The following SHISA6 variants were observed in gnomAD, a reference collection of about 807,000 sequenced individuals.
SHISA6 encodes the protein protein shisa-6.
In SHISA6, 22 loss-of-function variants were observed where a neutral mutation model predicts 47.9. That is an observed-to-expected ratio of 0.46 (90% CI 0.33 to 0.66). The LOEUF (loss-of-function observed/expected upper bound fraction) is 0.66, where lower values mean the gene tolerates loss of function less well. Ranked by LOEUF, SHISA6 falls within the 30% of genes least tolerant of loss-of-function variation. The pLI, the probability that SHISA6 is intolerant of heterozygous loss-of-function variation, is 0.02. For missense variants in SHISA6, 680 were observed against 764.6 expected (o/e 0.89, Z 1.30); for synonymous variants, 388 against 337.8 (o/e 1.15, Z -1.63).
chr17:11,354,513 T>G (rs971182127), intron 2 of SHISA6, among the ~76,000 whole-genome samples: 2 of 152,130 alleles, frequency 1.3e-5, no homozygotes, highest in African/African-American at 4.8e-5. Context: ...CTCCACATTC[T>G]CAGTTGGAGG....
At chr17:11,322,706 A>T (rs1057253289) in intron 2 of SHISA6, among the ~76,000 whole-genome samples, 3 of 152,196 alleles carry the variant, frequency 2.0e-5, no homozygotes, top group Non-Finnish European at 4.4e-5. Flanking sequence ...TCCCTGTTGG[A>T]GAATTTCTTA....
intron 3 of SHISA6, among the ~76,000 whole-genome samples, chr17:11,461,251 G>C (rs532453012): frequency 6.5e-4 from 99 of 152,196 alleles, no homozygotes; most frequent in South Asian, 2.1e-3. Flanking sequence ...CAAAAAATTA[G>C]CTGGGCATGG....
At chr17:11,387,203 G>A (rs985755273) in intron 3 of SHISA6, among the ~76,000 whole-genome samples, 2 of 152,126 alleles carry the variant, frequency 1.3e-5, no homozygotes, top group South Asian at 2.1e-4. Flanking sequence ...AACAGATCTC[G>A]TCATCCCATC....
chr17:11,288,932 C>T (rs1050189021), intron 2 of SHISA6: 1 of 152,130 alleles, frequency 6.6e-6, no homozygotes, highest in African/African-American at 2.4e-5. Context: ...GGAAATGGTT[C>T]TTTGTGTGGT....
chr17:11,399,585 C>T (rs1409064636), intron 3 of SHISA6, among the ~76,000 whole-genome samples: 1 of 152,108 alleles, frequency 6.6e-6, no homozygotes, highest in Non-Finnish European at 1.5e-5. Context: ...CCACACCCAG[C>T]TAATTTTTGT....
intron 2 of SHISA6, among the ~76,000 whole-genome samples, chr17:11,325,565 G>T (rs1366727581): frequency 6.6e-6 from 1 of 152,060 alleles, no homozygotes; most frequent in East Asian, 1.9e-4. Flanking sequence ...CAAAACAATA[G>T]GGGGAAAGAA....
At chr17:11,253,632 C>T (rs1043336283) in intron 1 of SHISA6, among the ~76,000 whole-genome samples, 1 of 152,106 alleles carries the variant, frequency 6.6e-6, no homozygotes, top group Non-Finnish European at 1.5e-5. Flanking sequence ...TTAGCCTGCC[C>T]TTATTTCTAC....
In SHISA6 at chr17:11,389,332, A is replaced by C. The variant is rs527540155; in HGVS notation, c.895+9823A>C. Among the ~76,000 whole-genome samples, 3 of 152,308 alleles carry C rather than the reference A, an allele frequency of 2.0e-5. No homozygotes were observed. The South Asian group carries it at 6.2e-4, about 32-fold the overall frequency. ...AAGGAGGAGTGCCAGATAAACTGCA[A>C]GGCTGCTTGCTTGCGGAAGTTTCAG... On this transcript the variant is annotated intron_variant, in intron 3 of 5. Coordinates refer to ENST00000441885, the MANE Select transcript of SHISA6 (RefSeq NM_207386.4).
intron 2 of SHISA6, among the ~76,000 whole-genome samples, chr17:11,300,597 T>G (rs1186349738): frequency 1.3e-5 from 2 of 152,096 alleles, no homozygotes; most frequent in Non-Finnish European, 2.9e-5. Flanking sequence ...AGAGAGTGAG[T>G]TGTGGCAAGC....
chr17:11,434,616 G>T (rs567940824), intron 3 of SHISA6, among the ~76,000 whole-genome samples: 1 of 152,300 alleles, frequency 6.6e-6, no homozygotes, highest in Admixed American at 6.5e-5. Context: ...TTTTTCAGGT[G>T]TCCCTTGTGT....
At chr17:11,390,562 A>G (rs1454279182) in intron 3 of SHISA6, among the ~76,000 whole-genome samples, 2 of 152,214 alleles carry the variant, frequency 1.3e-5, no homozygotes, top group Non-Finnish European at 2.9e-5. Context: ...ACTCCAGGTA[A>G]TTCATACATG....
rs1277794571 is a variant in SHISA6, at chr17:11,499,696, TTTTTG to T, written c.896-52197_896-52193del. On this transcript the variant is annotated intron_variant, in intron 3 of 5. Transcript: ENST00000441885. ...TTCTTTTTCTTTCTTTTTTTTTTTT[TTTTTG>T]TTGTTGTTGTTGTTGTTTGAGACAG... is the stretch of plus-strand genomic sequence containing the variant. 7.0e-3 allele frequency among the ~76,000 whole-genome samples: 1,056 copies of T among 150,306 alleles called. 17 individuals carry two copies. The highest frequency in any genetic ancestry group is 0.024 in the African/African-American group (994 of 40,598).
At chr17:11,277,272 TCTCTCTCTCACA>T (rs1331197756) in intron 2 of SHISA6, among the ~76,000 whole-genome samples, 175 of 68,720 alleles carry the variant, frequency 2.5e-3, no homozygotes, top group South Asian at 0.01. Context: ...TCTCTCTCTC[TCTCTCTCTCACA>T]CACACACACA....
chr17:11,439,541 C>A (rs1031476219), intron 3 of SHISA6, among the ~76,000 whole-genome samples: 8 of 152,168 alleles, frequency 5.3e-5, no homozygotes, highest in Admixed American at 4.6e-4. Flanking sequence ...CAAGTTGAAT[C>A]ATGAATTTAC....
chr17:11,425,840 G>T (rs540423266), intron 3 of SHISA6, among the ~76,000 whole-genome samples: 25 of 152,234 alleles, frequency 1.6e-4, no homozygotes, highest in African/African-American at 5.8e-4. Context: ...TTTTTGTACT[G>T]CAAGAAAAGC....
At chr17:11,490,520 T>TCAGGG (rs1916447815) in intron 3 of SHISA6, among the ~76,000 whole-genome samples, 1 of 152,122 alleles carries the variant, frequency 6.6e-6, no homozygotes, top group Non-Finnish European at 1.5e-5. Context: ...AGTGCGATTT[T>TCAGGG]AATGTGAGTC....
intron 3 of SHISA6, among the ~76,000 whole-genome samples, chr17:11,413,736 G>A (rs1411083775): frequency 6.6e-6 from 1 of 152,162 alleles, no homozygotes; most frequent in Non-Finnish European, 1.5e-5. Flanking sequence ...CCAAAGGAGG[G>A]CAGAGCCATG....
chr17:11,458,196 T>C (rs1915599180), intron 3 of SHISA6, among the ~76,000 whole-genome samples: 1 of 152,018 alleles, frequency 6.6e-6, no homozygotes, highest in Non-Finnish European at 1.5e-5. Context: ...AACCAGTGAG[T>C]ATCTTCTGGG....
chr17:11,495,860 C>G (rs1224003820), intron 3 of SHISA6, among the ~76,000 whole-genome samples: 1 of 152,230 alleles, frequency 6.6e-6, no homozygotes. Context: ...GCAGGCCAGA[C>G]TTCTAAATCA....
Sources: allele counts gnomAD v4.1 joint callset (sites outside exome capture counted in the v4.1 genomes callset), GRCh38; gene constraint gnomAD v4.1.1; transcripts MANE v1.5; gene names NCBI Gene and HGNC (gene_info 2026-07-23, HGNC 2026-07-21).